GALK2: variants seen among roughly 807,000 people sequenced by gnomAD.
GALK2 encodes the protein galactokinase 2.
A neutral mutation model predicts 52.4 loss-of-function variants in GALK2; 36 were observed. The ratio of observed to expected loss-of-function variants is 0.69; its 90% CI spans 0.53 to 0.91. The LOEUF (loss-of-function observed/expected upper bound fraction) is 0.91. GALK2 is among the 40% of genes least tolerant of loss of function. The pLI, the probability that GALK2 is intolerant of heterozygous loss-of-function variation, is 0.00. For synonymous variants in GALK2, 176 were observed against 199.1 expected (o/e 0.88, Z 0.98); for missense variants, 579 against 559.1 (o/e 1.04, Z -0.36).
At chr15:49,268,122 CAAAT>C (rs776306588) in intron 5 of GALK2, among the ~76,000 whole-genome samples, 2 of 152,130 alleles carry the variant, frequency 1.3e-5, no homozygotes, top group Non-Finnish European at 2.9e-5. Context: ...CATTTATCAA[CAAAT>C]AGTTTAGGTA....
intron 3 of GALK2, among the ~76,000 whole-genome samples, chr15:49,362,747 A>T (rs567637521): frequency 1.8e-4 from 27 of 146,366 alleles, no homozygotes; most frequent in African/African-American, 6.6e-4. Context: ...GAGTTTTTTT[A>T]ATAGGTTTAG....
chr15:49,273,465 CG>C (rs2031084241), intron 5 of GALK2, among the ~76,000 whole-genome samples: 1 of 151,670 alleles, frequency 6.6e-6, no homozygotes. Context: ...GTAAAAAATG[CG>C]AAAGTTGCTA....
intron 9 of GALK2, among the ~76,000 whole-genome samples, chr15:49,323,158 A>C (rs1277240617): frequency 2.0e-5 from 3 of 152,078 alleles, no homozygotes; most frequent in Non-Finnish European, 4.4e-5. Context: ...TGTAAGCCCT[A>C]GTTCCTTCTG....
chr15:49,208,755 G>A (rs1044699408), intron 2 of GALK2, among the ~76,000 whole-genome samples: 1 of 152,110 alleles, frequency 6.6e-6, no homozygotes, highest in African/African-American at 2.4e-5. Flanking sequence ...GTGGAGTATT[G>A]AAGTCCCCCA....
intron 8 of GALK2, among the ~76,000 whole-genome samples, chr15:49,307,595 T>A (rs2035649184): frequency 1.3e-5 from 2 of 152,134 alleles, no homozygotes; most frequent in African/African-American, 4.8e-5. Context: ...CTGGAGTTAT[T>A]TACAGAAGCT....
At chr15:49,313,824 C>T (rs1319754065) in intron 8 of GALK2, among the ~76,000 whole-genome samples, 6 of 151,924 alleles carry the variant, frequency 3.9e-5, no homozygotes, top group Non-Finnish European at 7.3e-5. Context: ...CCAGCTCTTG[C>T]ATGGAGAACT....
At chr15:49,285,607 A>G (rs894975686) in intron 7 of GALK2, among the ~76,000 whole-genome samples, 1 of 152,104 alleles carries the variant, frequency 6.6e-6, no homozygotes, top group Admixed American at 6.5e-5. Flanking sequence ...TGCCTTATTG[A>G]CCATCTTTAC....
At chr15:49,221,547 A>G (rs2089791536) in intron 3 of GALK2, among the ~76,000 whole-genome samples, 2 of 152,024 alleles carry the variant, frequency 1.3e-5, no homozygotes, top group Admixed American at 1.3e-4. Context: ...CGTGCCTATA[A>G]TCCCAGCTAC....
chr15:49,267,053 G>T (rs111583687), intron 5 of GALK2, among the ~76,000 whole-genome samples: 22 of 152,238 alleles, frequency 1.4e-4, no homozygotes, highest in African/African-American at 5.3e-4. Flanking sequence ...GGGGTAAAGG[G>T]TGTTAAAGAA....
At chr15:49,309,902 G>T (rs1325378816) in intron 8 of GALK2, among the ~76,000 whole-genome samples, 2 of 152,096 alleles carry the variant, frequency 1.3e-5, no homozygotes, top group African/African-American at 4.8e-5. Context: ...CACTGTGCTG[G>T]ACCTCTTCTA....
At chr15:49,283,906 G>A (rs545847312) in intron 7 of GALK2, among the ~76,000 whole-genome samples, 188 bp downstream of exon 7, 1 of 152,324 alleles carries the variant, frequency 6.6e-6, no homozygotes, top group East Asian at 1.9e-4. Context: ...AACCAGTTGA[G>A]TCTTCTGGGG....
At chr15:49,274,789 T>C (rs1483205258) in intron 5 of GALK2, among the ~76,000 whole-genome samples, 1 of 152,160 alleles carries the variant, frequency 6.6e-6, no homozygotes, top group Non-Finnish European at 1.5e-5. Context: ...ACTTTTAGTT[T>C]TTTTGTTAAA....
upstream of GALK2, among the ~76,000 whole-genome samples, chr15:49,165,961 C>T (rs897945966): frequency 2.6e-5 from 4 of 151,944 alleles, no homozygotes; most frequent in African/African-American, 9.7e-5. Context: ...CACCACCACG[C>T]CCAGCTAATT....
intron 3 of GALK2, among the ~76,000 whole-genome samples, chr15:49,222,040 G>A (rs2089832566): frequency 6.6e-6 from 1 of 152,070 alleles, no homozygotes; most frequent in Non-Finnish European, 1.5e-5. Flanking sequence ...CCATGAACAT[G>A]GGATGTCTTT....
intron 3 of GALK2, among the ~76,000 whole-genome samples, chr15:49,350,929 C>T (rs2042152113): frequency 6.6e-6 from 1 of 152,174 alleles, no homozygotes; most frequent in African/African-American, 2.4e-5. Context: ...TCCCCGTGTG[C>T]ATCACATTCC....
In GALK2 at chr15:49,319,651, G is replaced by T. The variant is rs1435459686; in HGVS notation, c.1015G>T (p.Ala339Ser). Residue 339 changes from alanine (A) to serine (S), a missense_variant, in exon 9 of 10, where the codon GCT becomes TCT. By Grantham distance (99) the Ala-to-Ser change is moderately conservative. Transcript: ENST00000560031. Reference protein sequence around the residue: ...YQRAKHVYSEAARVLQFKKIC... With the variant: ...YQRAKHVYSESARVLQFKKIC... Reference sequence around the variant, plus strand: ...GCGGGCAAAGCATGTGTACAGCGAGGCTGCGCGAGTGCTCCAGTTTAAGAA... The same window carrying T: ...GCGGGCAAAGCATGTGTACAGCGAGTCTGCGCGAGTGCTCCAGTTTAAGAA... 2 of 1,614,030 alleles carry T rather than the reference G, an allele frequency of 1.2e-6. No individual in the cohort carries two copies. The highest frequency in any genetic ancestry group is 1.7e-6 in the Non-Finnish European group (2 of 1,180,044).
chr15:49,363,220 G>A (rs77320779), intron 3 of GALK2, among the ~76,000 whole-genome samples: 104 of 152,284 alleles, frequency 6.8e-4, no homozygotes, highest in African/African-American at 2.4e-3. Context: ...GGGCAGTATG[G>A]CCATTTAAAT....
intron 8 of GALK2, among the ~76,000 whole-genome samples, chr15:49,311,476 A>G (rs532964970): frequency 6.6e-6 from 1 of 152,268 alleles, no homozygotes; most frequent in South Asian, 2.1e-4. Context: ...CCAGTAGTCA[A>G]AGTACTTTGT....
At chr15:49,157,048 C>T (rs1455579183) in intron 1 of GALK2, among the ~76,000 whole-genome samples, 1 of 152,138 alleles carries the variant, frequency 6.6e-6, no homozygotes, top group African/African-American at 2.4e-5. Flanking sequence ...TTGGTTTAGG[C>T]ATATTTCATA....
Sources: allele counts gnomAD v4.1 joint callset (sites outside exome capture counted in the v4.1 genomes callset), GRCh38; gene constraint gnomAD v4.1.1; transcripts MANE v1.5; gene names NCBI Gene and HGNC (gene_info 2026-07-23, HGNC 2026-07-21).